MMP16: variants seen among roughly 807,000 people sequenced by gnomAD.
MMP16 encodes matrix metallopeptidase 16.
In MMP16, 12 loss-of-function variants were observed where a neutral mutation model predicts 67.8. That is an observed-to-expected ratio of 0.18 (90% CI 0.11 to 0.29). The LOEUF is 0.29. Ranked by LOEUF, MMP16 falls within the 10% of genes least tolerant of loss-of-function variation. MMP16 has a pLI of 1.00. For synonymous variants in MMP16, 249 were observed against 255.9 expected (o/e 0.97, Z 0.26); for missense variants, 475 against 765.7 (o/e 0.62, Z 4.48).
chr8:88,136,651 T>G (rs1408744077), intron 4 of MMP16, among the ~76,000 whole-genome samples: 1 of 151,412 alleles, frequency 6.6e-6, no homozygotes, highest in Non-Finnish European at 1.5e-5. Context: ...TAATTATATA[T>G]TAAATGAATT....
At chr8:88,121,898 G>A (rs1012775948) in intron 4 of MMP16, among the ~76,000 whole-genome samples, 3 of 151,678 alleles carry the variant, frequency 2.0e-5, no homozygotes, top group African/African-American at 7.3e-5. Context: ...TGTCTTCTCC[G>A]CTGACATATC....
intron 1 of MMP16, among the ~76,000 whole-genome samples, chr8:88,307,052 T>C (rs1219209935): frequency 6.6e-6 from 1 of 152,198 alleles, no homozygotes; most frequent in Non-Finnish European, 1.5e-5. Context: ...CAAAAGCATC[T>C]TAAGCTGATA....
intron 6 of MMP16, among the ~76,000 whole-genome samples, chr8:88,082,156 C>G (rs1285078184): frequency 6.6e-6 from 1 of 151,970 alleles, no homozygotes; most frequent in Admixed American, 6.6e-5. Context: ...CAAACGCACA[C>G]GCACACACAG....
At chr8:88,296,070 T>C (rs1035893508) in intron 1 of MMP16, among the ~76,000 whole-genome samples, 2 of 152,206 alleles carry the variant, frequency 1.3e-5, no homozygotes, top group Non-Finnish European at 2.9e-5. Flanking sequence ...ATACATAAGA[T>C]GGTGTTTATA....
chr8:88,264,740 T>G (rs143610918), intron 1 of MMP16, among the ~76,000 whole-genome samples: 36 of 152,324 alleles, frequency 2.4e-4, no homozygotes, highest in African/African-American at 8.4e-4. Flanking sequence ...ATGATTGCCA[T>G]GGCACTGACC....
chr8:88,303,584 C>G (rs1811166135), intron 1 of MMP16, among the ~76,000 whole-genome samples: 1 of 152,198 alleles, frequency 6.6e-6, no homozygotes, highest in South Asian at 2.1e-4. Flanking sequence ...CAGTACCCCC[C>G]TGGGACAGAG....
In MMP16 at chr8:88,041,070, T is replaced by G. The variant is rs1468218654; in HGVS notation, c.*391A>C. Reference sequence around the variant, plus strand: ...AAAAACCGTGGGTTTTCTGATTTGCTTTTTTTTTCTCCCCCCAGAAATGGG... The same window carrying G: ...AAAAACCGTGGGTTTTCTGATTTGCGTTTTTTTTCTCCCCCCAGAAATGGG... On this transcript the variant is annotated 3_prime_UTR_variant, in exon 10 of 10. Transcript: ENST00000286614. The surrounding 1 kb of genome is among the most constrained non-coding windows in gnomAD (Gnocchi z 6.0). 6.3e-6 allele frequency: 1 copy of G among 159,296 alleles called. No individual in the cohort carries two copies. The highest frequency in any genetic ancestry group is 6.5e-5 in the Admixed American group (1 of 15,366). The allele number at this position is 159,296 out of a possible 1,614,324, so 9.9% of individuals were successfully genotyped here.
At chr8:88,238,283 C>T (rs1415846451) in intron 1 of MMP16, among the ~76,000 whole-genome samples, 1 of 152,110 alleles carries the variant, frequency 6.6e-6, no homozygotes, top group East Asian at 1.9e-4. Context: ...GAAGCCGAGG[C>T]AGATGGATCA....
At chr8:88,206,269 C>T (rs1010181812) in intron 1 of MMP16, among the ~76,000 whole-genome samples, 3 of 152,156 alleles carry the variant, frequency 2.0e-5, no homozygotes, top group South Asian at 4.1e-4. Context: ...TCACCCCAAA[C>T]TGAAACTATA....
chr8:88,220,939 T>C (rs779345217), intron 1 of MMP16, among the ~76,000 whole-genome samples: 1 of 152,096 alleles, frequency 6.6e-6, no homozygotes. Context: ...CCACAAAGAA[T>C]TGTCTAAAAC....
chr8:88,257,433 G>A (rs1238924683), intron 1 of MMP16, among the ~76,000 whole-genome samples: 1 of 152,138 alleles, frequency 6.6e-6, no homozygotes, highest in Non-Finnish European at 1.5e-5. Context: ...AGCTTCTGTG[G>A]AAACAAAGCT....
chr8:88,136,846 C>T (rs1010139511), intron 4 of MMP16, among the ~76,000 whole-genome samples: 1 of 151,660 alleles, frequency 6.6e-6, no homozygotes, highest in Non-Finnish European at 1.5e-5. Context: ...TGTTTTCATA[C>T]ACCACACCAC....
At chr8:88,212,020 A>C (rs1239824482) in intron 1 of MMP16, among the ~76,000 whole-genome samples, 2 of 142,176 alleles carry the variant, frequency 1.4e-5, no homozygotes, top group East Asian at 5.5e-4. Flanking sequence ...ACCTATGTTC[A>C]CACTGGCCCC....
At chr8:88,260,587 T>C (rs1335860515) in intron 1 of MMP16, among the ~76,000 whole-genome samples, 2 of 152,078 alleles carry the variant, frequency 1.3e-5, no homozygotes, top group Non-Finnish European at 2.9e-5. Context: ...CCTAAATGAC[T>C]TTATCAGTTT....
At chr8:88,254,909 A>G (rs1223360515) in intron 1 of MMP16, among the ~76,000 whole-genome samples, 1 of 152,222 alleles carries the variant, frequency 6.6e-6, no homozygotes, top group Admixed American at 6.5e-5. Flanking sequence ...TCACTATAAG[A>G]TATTAATAAA....
chr8:88,127,815 A>G (rs1807959639), intron 4 of MMP16, among the ~76,000 whole-genome samples: 1 of 151,918 alleles, frequency 6.6e-6, no homozygotes, highest in African/African-American at 2.4e-5. Flanking sequence ...TGTTTCATAC[A>G]TTTGCTTGTA....
chr8:88,176,369 T>G (rs1175675679), intron 3 of MMP16, among the ~76,000 whole-genome samples: 1 of 152,228 alleles, frequency 6.6e-6, no homozygotes, highest in African/African-American at 2.4e-5. Flanking sequence ...CTCCCTTCCT[T>G]TCTTCCTTCC....
chr8:88,046,587 G>A (rs561473856), intron 9 of MMP16, 82 bp downstream of exon 9: 1 of 815,756 alleles, frequency 1.2e-6, no homozygotes, highest in Admixed American at 2.9e-5. Flanking sequence ...ACTTTCCAAT[G>A]GCTTAATTTA....
At chr8:88,142,602 A>G (rs1413699165) in intron 4 of MMP16, among the ~76,000 whole-genome samples, 2 of 152,118 alleles carry the variant, frequency 1.3e-5, no homozygotes, top group Non-Finnish European at 2.9e-5. Context: ...AATATTATAA[A>G]CCATATTACA....
Sources: gnomAD v4.1 joint callset for allele counts (sites outside exome capture counted in the v4.1 genomes callset) on GRCh38, gnomAD v4.1.1 for gene constraint, Gnocchi (gnomAD v3.1) non-coding constraint, MANE v1.5 for transcripts, NCBI Gene and HGNC (gene_info 2026-07-23, HGNC 2026-07-21) for gene names.